The following BTBD9 variants were observed in gnomAD, a reference collection of about 807,000 sequenced individuals.
The protein encoded by BTBD9 is BTB domain containing 9.
In BTBD9, 49 loss-of-function variants were observed where a neutral mutation model predicts 64.3. The ratio of observed to expected loss-of-function variants is 0.76; its 90% CI spans 0.61 to 0.97. BTBD9 has a LOEUF of 0.97. Among genes scored for constraint, BTBD9 ranks in the 50% least tolerant of loss-of-function variants. BTBD9 has a pLI of 0.00. For synonymous variants in BTBD9, 260 were observed against 274.7 expected, an observed-to-expected ratio of 0.95 and a Z score of 0.53; for missense variants, 598 against 762.1, an observed-to-expected ratio of 0.78 and a Z score of 2.53.
chr6:38,407,616 A>G (rs564425777), intron 6 of BTBD9, among the ~76,000 whole-genome samples: 10 of 152,312 alleles, frequency 6.6e-5, no homozygotes, highest in Admixed American at 5.9e-4. Flanking sequence ...TTCAGTTCTA[A>G]CTTGGAAAAA....
chr6:38,518,726 TCA>T (rs1219732190), intron 6 of BTBD9, among the ~76,000 whole-genome samples: 1 of 152,176 alleles, frequency 6.6e-6, no homozygotes, highest in African/African-American at 2.4e-5. Context: ...GCTCTTTGAG[TCA>T]CAGTTTCCTC....
chr6:38,236,202 A>G (rs1763772951), intron 9 of BTBD9, among the ~76,000 whole-genome samples: 1 of 152,196 alleles, frequency 6.6e-6, no homozygotes, highest in African/African-American at 2.4e-5. Context: ...TCTCCTCTTC[A>G]TCCCCTTTTC....
intron 7 of BTBD9, among the ~76,000 whole-genome samples, chr6:38,333,141 C>A (rs1763745176): frequency 1.3e-5 from 2 of 152,312 alleles, no homozygotes; most frequent in South Asian, 4.1e-4. Flanking sequence ...ATCTCAGATG[C>A]AGATGCTGGC....
At chr6:38,380,746 G>A (rs1028244285) in intron 6 of BTBD9, among the ~76,000 whole-genome samples, 1 of 152,192 alleles carries the variant, frequency 6.6e-6, no homozygotes, top group Non-Finnish European at 1.5e-5. Flanking sequence ...TCAGAAGGCT[G>A]AGGTGGGAGG....
chr6:38,294,813 A>G (rs1312359529), intron 7 of BTBD9, among the ~76,000 whole-genome samples: 1 of 151,368 alleles, frequency 6.6e-6, no homozygotes, highest in African/African-American at 2.4e-5. Context: ...AAAAAATAAG[A>G]AAATAAAATT....
At chr6:38,436,295 T>C (rs1419232541) in intron 6 of BTBD9, among the ~76,000 whole-genome samples, 3 of 151,886 alleles carry the variant, frequency 2.0e-5, no homozygotes, top group Non-Finnish European at 4.4e-5. Flanking sequence ...AATACTTTAT[T>C]TTCCAACACT....
intron 6 of BTBD9, among the ~76,000 whole-genome samples, chr6:38,499,287 C>T (rs1213507342): frequency 6.6e-6 from 1 of 152,188 alleles, no homozygotes; most frequent in Non-Finnish European, 1.5e-5. Context: ...ATTCAGCACA[C>T]AAATCACTCT....
At chr6:38,294,063 A>G (rs991370555) in intron 7 of BTBD9, among the ~76,000 whole-genome samples, 1 of 152,224 alleles carries the variant, frequency 6.6e-6, no homozygotes, top group Non-Finnish European at 1.5e-5. Flanking sequence ...CAAACGTATG[A>G]AAAAAAGCTC....
intron 9 of BTBD9, among the ~76,000 whole-genome samples, chr6:38,241,973 T>C (rs896781019): frequency 3.9e-5 from 6 of 152,204 alleles, no homozygotes; most frequent in African/African-American, 1.4e-4. Context: ...ACCACTGGTG[T>C]AGAAGCTATA....
chr6:38,177,651 C>T lies in BTBD9; in HGVS notation c.1642-2469G>A, dbSNP rs1761336243. 2.0e-5 allele frequency among the ~76,000 whole-genome samples: 3 copies of T among 152,214 alleles called. 1 individual carries two copies. The highest frequency in any genetic ancestry group is 4.1e-4 in the South Asian group (2 of 4,828). On this transcript the variant is annotated intron_variant, in intron 10 of 10. Coordinates refer to ENST00000481247, the MANE Select transcript of BTBD9 (RefSeq NM_001099272.2). ...GCTGGTAAGAGCCTGGGAAGAGATG[C>T]TGTCTGTGGTGAGCACGTGATAGAC...
chr6:38,442,764 G>A (rs562802358), intron 6 of BTBD9, among the ~76,000 whole-genome samples: 1 of 144,756 alleles, frequency 6.9e-6, no homozygotes, highest in East Asian at 2.1e-4. Flanking sequence ...CTGCCTCCCA[G>A]GTTCAAGTGA....
chr6:38,238,477 G>GT (rs59298777), intron 9 of BTBD9, among the ~76,000 whole-genome samples: 54 of 139,088 alleles, frequency 3.9e-4, no homozygotes, highest in African/African-American at 7.8e-4. Flanking sequence ...AAGGTTTTTT[G>GT]TTTTTTTTTT....
At chr6:38,409,723 C>T (rs1381638107) in intron 6 of BTBD9, among the ~76,000 whole-genome samples, 1 of 151,958 alleles carries the variant, frequency 6.6e-6, no homozygotes, top group Non-Finnish European at 1.5e-5. Flanking sequence ...ACTTGGGAGG[C>T]TAAGGCAGGA....
intron 6 of BTBD9, among the ~76,000 whole-genome samples, chr6:38,351,305 G>C (rs763482250): frequency 1.1e-4 from 17 of 152,140 alleles, no homozygotes; most frequent in Non-Finnish European, 2.2e-4. Flanking sequence ...GATGCTATCT[G>C]ACCATTTGCC....
At chr6:38,248,091 T>G (rs1561923749) in intron 9 of BTBD9, among the ~76,000 whole-genome samples, 1 of 152,220 alleles carries the variant, frequency 6.6e-6, no homozygotes, top group Non-Finnish European at 1.5e-5. Flanking sequence ...GCTTTCTTCT[T>G]CCGTAATTCT....
At chr6:38,253,487 C>T (rs1208368893) in intron 9 of BTBD9, among the ~76,000 whole-genome samples, 1 of 152,200 alleles carries the variant, frequency 6.6e-6, no homozygotes, top group Non-Finnish European at 1.5e-5. Flanking sequence ...CCTCCCTCAA[C>T]ATGTGGGGAT....
intron 7 of BTBD9, among the ~76,000 whole-genome samples, chr6:38,337,388 T>TA (rs1430309658): frequency 6.6e-6 from 1 of 152,250 alleles, no homozygotes; most frequent in Non-Finnish European, 1.5e-5. Flanking sequence ...ATGACAGTAG[T>TA]AACCATAGAC....
At chr6:38,232,462 G>A (rs1763641730) in intron 9 of BTBD9, among the ~76,000 whole-genome samples, 1 of 151,860 alleles carries the variant, frequency 6.6e-6, no homozygotes, top group Non-Finnish European at 1.5e-5. Flanking sequence ...AGTAGAGATG[G>A]GGTTTCACTG....
chr6:38,210,536 TTGTGTGTGTGTGTGTGTGTGTG>T (rs71542165), intron 9 of BTBD9, among the ~76,000 whole-genome samples: 1 of 146,346 alleles, frequency 6.8e-6, no homozygotes, highest in African/African-American at 2.6e-5. Flanking sequence ...GTGCGTGTGT[TTGTGTGTGTGTGTGTGTGTGTG>T]TGTGTGTGTG....
Sources: gnomAD v4.1 joint callset for allele counts (sites outside exome capture counted in the v4.1 genomes callset) on GRCh38, gnomAD v4.1.1 for gene constraint, MANE v1.5 for transcripts, NCBI Gene and HGNC (gene_info 2026-07-23, HGNC 2026-07-21) for gene names.